Variants in GLB1L2 observed in about 807,000 individuals in gnomAD.
GLB1L2 encodes the protein galactosidase beta 1 like 2.
In GLB1L2, 68 loss-of-function variants were observed where a neutral mutation model predicts 84.1. The observed-to-expected ratio is 0.81, with a 90% CI of 0.67 to 0.99. GLB1L2 has a LOEUF of 0.99. GLB1L2 is among the 50% of genes least tolerant of loss of function. The pLI, the probability that GLB1L2 is intolerant of heterozygous loss-of-function variation, is 0.00. For missense variants in GLB1L2, 762 were observed against 805.6 expected (o/e 0.95, Z 0.66); for synonymous variants, 290 against 318.0 (o/e 0.91, Z 0.94).
rs942603354 is a variant in GLB1L2 at position 134,364,471 on chromosome 11, G to A, written c.804+73G>A. On this transcript the variant is annotated intron_variant, in intron 8 of 18. Transcript: ENST00000535456. ...ATGGGAATTCTGAATGCCTGTCAGC[G>A]TGCTCAGCTTCCCCAGCGCAGGGAG... is the stretch of plus-strand genomic sequence containing the variant. The A allele has an allele frequency of 2.1e-5, 25 of 1,206,426 alleles. 1 individual carries two copies. The highest frequency in any genetic ancestry group is 1.6e-4 in the African/African-American group (11 of 66,936). The allele number at this position is 1,206,426 out of a possible 1,614,324, so 74.7% of individuals were successfully genotyped here.
Position 134,338,744 on chromosome 11 carries a change from C to T in GLB1L2, c.87-4010C>T, listed in dbSNP as rs1443066288. 6.6e-6 allele frequency among the ~76,000 whole-genome samples: 1 copy of T among 152,184 alleles called. No individual in the cohort carries two copies. Among genetic ancestry groups the T allele is most frequent in the Non-Finnish European group, 1.5e-5 (1 of 68,032 alleles). On this transcript the variant is annotated intron_variant, in intron 1 of 18. Transcript: ENST00000535456. The surrounding 1 kb of genome is among the most constrained non-coding windows in gnomAD (Gnocchi z 6.2). The stretch of plus-strand genomic sequence containing the variant: ...CCTTCAGCACGAATAGTGCATGCCC[C>T]TTTTCCACTTGCCAAAAGGGAACTG...
chr11:134,362,384 T>TC (rs1282178327), intron 7 of GLB1L2, among the ~76,000 whole-genome samples: 1 of 151,984 alleles, frequency 6.6e-6, no homozygotes, highest in Non-Finnish European at 1.5e-5. Context: ...GCTGTTCCAC[T>TC]CCATCTCCTG....
chr11:134,335,016 G>A (rs1185035765), intron 1 of GLB1L2, among the ~76,000 whole-genome samples: 1 of 152,104 alleles, frequency 6.6e-6, no homozygotes, highest in Non-Finnish European at 1.5e-5. Flanking sequence ...TTTTAGCTGG[G>A]AAAGTTGGGA....
At chr11:134,351,991 T>A (rs1198263728) in intron 5 of GLB1L2, among the ~76,000 whole-genome samples, 2 of 152,158 alleles carry the variant, frequency 1.3e-5, no homozygotes, top group African/African-American at 4.8e-5. Context: ...TCCCTTTCAA[T>A]TTTTGGGAAG....
rs777821164 is a variant in GLB1L2 at position 134,345,135 on chromosome 11, C to T, written c.449+6C>T. ...GACCTCGGGGGCTTGCCCAGGTAAG[C>T]GGGGTTGTGAAGGGTCCTGTGTGCT... On this transcript the variant is annotated splice_donor_region_variant and intron_variant, in intron 4 of 18. Transcript: ENST00000535456. The T allele has an allele frequency of 1.7e-5, 27 of 1,605,924 alleles. No homozygotes were observed. The highest frequency in any genetic ancestry group is 1.7e-4 in the Middle Eastern group (1 of 6,044).
chr11:134,342,699 C>T (rs1467637689), intron 1 of GLB1L2, 55 bp from the exon 2 acceptor site: 33 of 1,543,394 alleles, frequency 2.1e-5, no homozygotes, highest in Non-Finnish European at 2.7e-5. Flanking sequence ...GGCGAGGAAG[C>T]CGATCTCTCT....
intron 4 of GLB1L2, among the ~76,000 whole-genome samples, chr11:134,345,479 T>TC (rs1491158256): frequency 4.3e-4 from 66 of 152,330 alleles, no homozygotes; most frequent in Non-Finnish European, 8.8e-5. Context: ...CCTGTCTGTT[T>TC]CTTTTTTTTG....
intron 6 of GLB1L2, among the ~76,000 whole-genome samples, chr11:134,357,341 C>T (rs770811071): frequency 1.3e-5 from 2 of 152,254 alleles, no homozygotes; most frequent in Non-Finnish European, 2.9e-5. Flanking sequence ...ACTCTTCCCC[C>T]TTCTCACCTG....
chr11:134,371,527 C>T lies in GLB1L2; in HGVS notation c.1428+35C>T, dbSNP rs373617430. 11 of 1,301,976 alleles carry T rather than the reference C, an allele frequency of 8.4e-6. No individual in the cohort carries two copies. The African/African-American group carries it at 1.5e-4, about 17-fold the overall frequency. The allele number at this position is 1,301,976 out of a possible 1,614,324, so 80.7% of individuals were successfully genotyped here. On this transcript the variant is annotated intron_variant, in intron 14 of 18. Coordinates refer to ENST00000535456, the MANE Select transcript of GLB1L2 (RefSeq NM_001370461.1). Reference sequence around the variant, plus strand: ...TTTTGGGAGCTGGGTGATGGCTAGCCCCCGCTGCTTCGAGGAAGTCTGGGG... The same window carrying T: ...TTTTGGGAGCTGGGTGATGGCTAGCTCCCGCTGCTTCGAGGAAGTCTGGGG...
intron 14 of GLB1L2, 72 bp from the exon 15 acceptor site, chr11:134,371,680 G>T (rs1224917724): frequency 1.4e-6 from 2 of 1,459,596 alleles, no homozygotes; most frequent in Non-Finnish European, 1.9e-6. Flanking sequence ...GGAAGAACTG[G>T]GGTCCACAAG....
rs372641064 is a variant in GLB1L2, at chr11:134,370,284, G to C, written c.1109-9G>C. On this transcript the variant is annotated splice_polypyrimidine_tract_variant and intron_variant, in intron 11 of 18. Transcript: ENST00000535456. The surrounding 1 kb of genome is among the most constrained non-coding windows in gnomAD (Gnocchi z 4.7). The stretch of plus-strand genomic sequence containing the variant: ...TCCGTTGGGGGTGACCCTGTTTTCT[G>C]TGTTGCAGGCATCCCTCTCCCTCCC... The C allele has an allele frequency of 6.8e-6, 11 of 1,611,880 alleles. No individual in the cohort carries two copies. The highest frequency in any genetic ancestry group is 1.7e-5 in the Admixed American group (1 of 60,008).
At chr11:134,343,674 T>G (rs1348174315) in intron 2 of GLB1L2, among the ~76,000 whole-genome samples, 1 of 152,166 alleles carries the variant, frequency 6.6e-6, no homozygotes, top group African/African-American at 2.4e-5. Context: ...TGCCGAGCCT[T>G]GACAACTTCC....
At chr11:134,371,703 G>A (rs1943954236) in intron 14 of GLB1L2, 49 bp from the exon 15 acceptor site, 1 of 1,580,526 alleles carries the variant, frequency 6.3e-7, no homozygotes, top group Non-Finnish European at 8.7e-7. Flanking sequence ...AATTCTGAGG[G>A]GCAGCTGTGG....
At chr11:134,345,207 A>C in intron 4 of GLB1L2, 78 bp downstream of exon 4, 1 of 1,261,260 alleles carries the variant, frequency 7.9e-7, no homozygotes, top group East Asian at 5.5e-5. Flanking sequence ...TCTGTGTTCC[A>C]GTTCCCATTC....
chr11:134,345,020 G>A lies in GLB1L2; in HGVS notation c.354-14G>A. On this transcript the variant is annotated splice_polypyrimidine_tract_variant and intron_variant, in intron 3 of 18. Coordinates refer to ENST00000535456, the MANE Select transcript of GLB1L2 (RefSeq NM_001370461.1). ...GGCCGTCGTGGGAGGGGCTGACGAT[G>A]TGGACCTCCCTAGGGCCTTCGTCCT... 6.2e-7 allele frequency: 1 copy of A among 1,609,404 alleles called. No individual in the cohort carries two copies. Among genetic ancestry groups the A allele is most frequent in the East Asian group, 2.2e-5 (1 of 44,758 alleles).
At chr11:134,374,811 G>T in intron 18 of GLB1L2, 93 bp downstream of exon 18, 1 of 1,193,800 alleles carries the variant, frequency 8.4e-7, no homozygotes, top group Non-Finnish European at 1.2e-6. Flanking sequence ...GCGTGTCAGC[G>T]GGTTCTTCCT....
Position 134,368,784 on chromosome 11 carries a change from A to G in GLB1L2, c.1027+3A>G. ...CAAGTCAGATGTCACCAGCTATGGC[A>G]AGTATTCATCAGCACTGCTCTCCCT... is the stretch of plus-strand genomic sequence containing the variant. On this transcript the variant is annotated splice_donor_region_variant and intron_variant, in intron 10 of 18. Coordinates refer to ENST00000535456, the MANE Select transcript of GLB1L2 (RefSeq NM_001370461.1). 1.9e-6 allele frequency: 3 copies of G among 1,613,446 alleles called. No homozygotes were observed. The highest frequency in any genetic ancestry group is 1.7e-6 in the Non-Finnish European group (2 of 1,179,854).
rs904443715 is a variant in GLB1L2, at chr11:134,342,961, G to A, written c.284+10G>A. 6.2e-7 allele frequency: 1 copy of A among 1,601,368 alleles called. No homozygotes were observed. Among genetic ancestry groups the A allele is most frequent in the African/African-American group, 1.3e-5 (1 of 74,622 alleles). ...TGAACACCCTCACCACGTAGGTGCT[G>A]CCCCTGTCCCCCCGGAGCCTGGTTC... On this transcript the variant is annotated intron_variant, in intron 2 of 18. Transcript: ENST00000535456.
At chr11:134,357,053 C>T (rs1293531623) in intron 6 of GLB1L2, among the ~76,000 whole-genome samples, 2 of 152,224 alleles carry the variant, frequency 1.3e-5, no homozygotes, top group Non-Finnish European at 2.9e-5. Flanking sequence ...TATCCCGCAG[C>T]TCAGTACTGT....
Sources: gnomAD v4.1 joint callset for allele counts (sites outside exome capture counted in the v4.1 genomes callset) on GRCh38, gnomAD v4.1.1 for gene constraint, Gnocchi (gnomAD v3.1) non-coding constraint, MANE v1.5 for transcripts, NCBI Gene and HGNC (gene_info 2026-07-23, HGNC 2026-07-21) for gene names.